NEDD4L: variants seen among roughly 807,000 people sequenced by gnomAD.
NEDD4L encodes NEDD4 like E3 ubiquitin protein ligase.
In NEDD4L, 54 loss-of-function variants were observed where a neutral mutation model predicts 148.9. The ratio of observed to expected loss-of-function variants is 0.36; its 90% confidence interval spans 0.29 to 0.45. NEDD4L has a LOEUF of 0.45. Ranked by LOEUF, NEDD4L falls within the 20% of genes least tolerant of loss-of-function variation. The pLI is 1.00. For missense variants in NEDD4L, 856 were observed against 1,233.8 expected, an observed-to-expected ratio of 0.69 and a Z score of 4.59; for synonymous variants, 433 against 440.7, an observed-to-expected ratio of 0.98 and a Z score of 0.22.
In NEDD4L at chr18:58,400,649, C is replaced by T. The variant is rs561818741; in HGVS notation, c.*4380C>T. The stretch of plus-strand genomic sequence containing the variant: ...TGTTTCAAAGGCACGTCTTTCCGTT[C>T]GTTGGTTTTCTGTGTGTAAGGAGTA... On this transcript the variant is annotated 3_prime_UTR_variant, in exon 31 of 31. Transcript: ENST00000400345. The T allele has an allele frequency of 1.6e-4, 24 of 152,332 alleles. No individual in the cohort carries two copies. Among genetic ancestry groups the T allele is most frequent in the Admixed American group, 9.2e-4 (14 of 15,294 alleles). 9.4% of individuals were successfully genotyped at this position (152,332 alleles called of 1,614,324 possible).
In NEDD4L at chr18:58,152,417, T is replaced by TA. The variant is rs1445668572; in HGVS notation, c.49-13370dup. On this transcript the variant is annotated intron_variant, in intron 1 of 30. Coordinates refer to ENST00000400345, the MANE Select transcript of NEDD4L (RefSeq NM_001144967.3). The stretch of plus-strand genomic sequence containing the variant: ...GATAAAGATCTGGGAGATCTACAGA[T>TA]ACGGATCATCTGCATTTGGAAATTT... Among the ~76,000 whole-genome samples the TA allele has an allele frequency of 2.0e-5, 3 of 152,318 alleles. No homozygotes were observed. The South Asian group carries it at 6.2e-4, about 32-fold the overall frequency.
At chr18:58,187,308 A>G (rs2039583835) in intron 2 of NEDD4L, among the ~76,000 whole-genome samples, 1 of 152,184 alleles carries the variant, frequency 6.6e-6, no homozygotes. Context: ...GGCTTTCTGC[A>G]CTTATTGCTC....
chr18:58,197,552 C>T (rs917082639), intron 2 of NEDD4L, among the ~76,000 whole-genome samples: 3 of 152,180 alleles, frequency 2.0e-5, no homozygotes, highest in African/African-American at 7.2e-5. Flanking sequence ...CGAACTCTCA[C>T]CTCTTGCCAA....
At chr18:58,101,661 A>G (rs899180909) in intron 1 of NEDD4L, among the ~76,000 whole-genome samples, 1 of 152,206 alleles carries the variant, frequency 6.6e-6, no homozygotes, top group Non-Finnish European at 1.5e-5. Context: ...TGACATCATG[A>G]AATAGAAAAC....
chr18:58,341,215 G>C (rs367586754), intron 14 of NEDD4L, 46 bp downstream of exon 14: 1 of 1,599,912 alleles, frequency 6.3e-7, no homozygotes, highest in South Asian at 1.1e-5. Context: ...CATAGAAGCC[G>C]AAATGTACAT....
At chr18:58,277,462 C>T (rs1465357112) in intron 5 of NEDD4L, among the ~76,000 whole-genome samples, 1 of 152,056 alleles carries the variant, frequency 6.6e-6, no homozygotes, top group Non-Finnish European at 1.5e-5. Context: ...GTCTACCAGG[C>T]ATCTTGTGCA....
chr18:58,196,174 C>T (rs1272671064), intron 2 of NEDD4L, among the ~76,000 whole-genome samples: 2 of 152,146 alleles, frequency 1.3e-5, no homozygotes, highest in Admixed American at 6.5e-5. Context: ...TCAGGTGAAG[C>T]GAGGACAGAT....
chr18:58,167,586 T>C (rs1174585064), intron 2 of NEDD4L, among the ~76,000 whole-genome samples: 1 of 152,242 alleles, frequency 6.6e-6, no homozygotes, highest in South Asian at 2.1e-4. Context: ...TTTTAGCTTT[T>C]GCAGATGCAT....
chr18:58,286,061 A>G (rs1274479021), intron 5 of NEDD4L, among the ~76,000 whole-genome samples: 1 of 152,240 alleles, frequency 6.6e-6, no homozygotes, highest in African/African-American at 2.4e-5. Context: ...AAGTAGATGC[A>G]CGTTCTTACC....
chr18:58,192,146 G>T (rs1169523298), intron 2 of NEDD4L, among the ~76,000 whole-genome samples: 2 of 152,152 alleles, frequency 1.3e-5, no homozygotes, highest in African/African-American at 4.8e-5. Context: ...ACTCCAGCCT[G>T]AGCTACAGAA....
chr18:58,168,732 C>G (rs902503730), intron 2 of NEDD4L, among the ~76,000 whole-genome samples: 1 of 152,180 alleles, frequency 6.6e-6, no homozygotes, highest in Non-Finnish European at 1.5e-5. Context: ...TTGCTGTAGA[C>G]AGGATAATGG....
intron 1 of NEDD4L, among the ~76,000 whole-genome samples, chr18:58,065,359 G>A (rs2082541077): frequency 6.6e-6 from 1 of 152,224 alleles, no homozygotes; most frequent in Non-Finnish European, 1.5e-5. Context: ...GCTCTAGAGT[G>A]CCTGGCGAGG....
chr18:58,226,372 AT>A (rs1400629967), intron 2 of NEDD4L, among the ~76,000 whole-genome samples: 1 of 152,208 alleles, frequency 6.6e-6, no homozygotes, highest in Non-Finnish European at 1.5e-5. Context: ...ATTGTGTTAA[AT>A]TAAGTGACCT....
At chr18:58,059,419 AAAG>A (rs1466896596) in intron 1 of NEDD4L, among the ~76,000 whole-genome samples, 5 of 152,234 alleles carry the variant, frequency 3.3e-5, no homozygotes, top group African/African-American at 1.2e-4. Flanking sequence ...TTAAAAGGGC[AAAG>A]AAGGTGTTGA....
rs368215092 is a variant in NEDD4L at position 58,343,006 on chromosome 18, A to T, written c.1478A>T (p.Lys493Ile). 3 of 1,613,676 alleles carry T rather than the reference A, an allele frequency of 1.9e-6. No individual in the cohort carries two copies. Among genetic ancestry groups the T allele is most frequent in the Non-Finnish European group, 2.5e-6 (3 of 1,179,832 alleles). The change falls in exon 16 of 31, where the codon AAA (lysine) becomes ATA (isoleucine). Residue 493 changes from lysine (K) to isoleucine (I), a missense_variant. Coordinates refer to ENST00000400345, the MANE Select transcript of NEDD4L (RefSeq NM_001144967.3). ...TACAACTCCCCCAAACCACAACACA[A>T]AGTCACACAGAGCTTCTTGCCACCC... ...SPYNSPKPQHKVTQSFLPPGW... is the reference protein window; with the variant it reads ...SPYNSPKPQHIVTQSFLPPGW...
intron 2 of NEDD4L, among the ~76,000 whole-genome samples, chr18:58,177,748 A>G (rs2038347710): frequency 6.6e-6 from 1 of 152,232 alleles, no homozygotes. Flanking sequence ...TGTCTTTCTC[A>G]GATATGTATT....
intron 2 of NEDD4L, among the ~76,000 whole-genome samples, chr18:58,228,071 C>CA (rs773081744): frequency 8.7e-4 from 132 of 152,174 alleles, no homozygotes; most frequent in Non-Finnish European, 1.7e-3. Context: ...TACCCTACCC[C>CA]ACTCCAGCCA....
chr18:58,131,888 T>C (rs1369271235), intron 1 of NEDD4L, among the ~76,000 whole-genome samples: 2 of 152,232 alleles, frequency 1.3e-5, no homozygotes, highest in Non-Finnish European at 2.9e-5. Flanking sequence ...CAGTTTAGGA[T>C]TTTGAACCAA....
At chr18:58,111,156 C>T (rs1238957479) in intron 1 of NEDD4L, among the ~76,000 whole-genome samples, 1 of 152,198 alleles carries the variant, frequency 6.6e-6, no homozygotes, top group East Asian at 1.9e-4. Context: ...CAACCTCTGC[C>T]TCCTGCGTTC....
Sources: gnomAD v4.1 joint callset for allele counts (sites outside exome capture counted in the v4.1 genomes callset) on GRCh38, gnomAD v4.1.1 for gene constraint, MANE v1.5 for transcripts, NCBI Gene and HGNC (gene_info 2026-07-23, HGNC 2026-07-21) for gene names.